Variants in DYNC2H1 observed in about 807,000 individuals in gnomAD.
DYNC2H1 encodes the protein dynein cytoplasmic 2 heavy chain 1, also known as cytoplasmic dynein 2 heavy chain 1.
A neutral mutation model predicts 570.0 loss-of-function variants in DYNC2H1; 410 were observed. That is an observed-to-expected ratio of 0.72 (90% CI 0.66 to 0.78). DYNC2H1 has a LOEUF of 0.78. Ranked by LOEUF, DYNC2H1 falls within the 30% of genes least tolerant of loss-of-function variation. The pLI is 0.00. For synonymous variants in DYNC2H1, 1,688 were observed against 1,677.6 expected, an observed-to-expected ratio of 1.01 and a Z score of -0.15; for missense variants, 4,865 against 5,046.4, an observed-to-expected ratio of 0.96 and a Z score of 1.09.
intron 25 of DYNC2H1, among the ~76,000 whole-genome samples, chr11:103,155,944 T>G (rs1407463796): frequency 6.6e-6 from 1 of 152,208 alleles, no homozygotes; most frequent in Non-Finnish European, 1.5e-5. Flanking sequence ...GAAGCATGAC[T>G]GTTGCAGAAG....
At chr11:103,436,813 TCTATCA>T (rs1182801977) in intron 85 of DYNC2H1, among the ~76,000 whole-genome samples, 1 of 152,172 alleles carries the variant, frequency 6.6e-6, no homozygotes, top group Non-Finnish European at 1.5e-5. Context: ...TGTTCAGTTC[TCTATCA>T]CTTTCTTTCC....
At chr11:103,178,555 G>C (rs2134998253) in intron 38 of DYNC2H1, among the ~76,000 whole-genome samples, 1 of 152,016 alleles carries the variant, frequency 6.6e-6, no homozygotes, top group Non-Finnish European at 1.5e-5. Context: ...GGATAAAAAA[G>C]GTTTTATCCT....
intron 70 of DYNC2H1, among the ~76,000 whole-genome samples, chr11:103,262,575 C>T (rs1238491226): frequency 6.6e-6 from 1 of 152,102 alleles, no homozygotes; most frequent in African/African-American, 2.4e-5. Flanking sequence ...GAATTTTCAA[C>T]CCATAATTTC....
At chr11:103,357,863 T>C (rs1940424309) in intron 82 of DYNC2H1, among the ~76,000 whole-genome samples, 1 of 152,108 alleles carries the variant, frequency 6.6e-6, no homozygotes, top group South Asian at 2.1e-4. Flanking sequence ...GATGGGAGGA[T>C]CGCTTGAGCC....
In DYNC2H1 at chr11:103,472,519, T is replaced by A. The variant is rs1215386025; in HGVS notation, c.12765+3814T>A. 6.6e-6 allele frequency among the ~76,000 whole-genome samples: 1 copy of A among 152,068 alleles called. No individual in the cohort carries two copies. Among genetic ancestry groups the A allele is most frequent in the African/African-American group, 2.4e-5 (1 of 41,384 alleles). ...CAATTATACTGGCGTCTCATAACAA[T>A]CCTATGAGTTTGGTACAGCAAATTT... On this transcript the variant is annotated intron_variant, in intron 88 of 88. Coordinates refer to ENST00000375735, the MANE Select transcript of DYNC2H1 (RefSeq NM_001377.3). This position sits in a 1 kb window ranked among gnomAD's most constrained non-coding sequence, Gnocchi z 4.1.
intron 82 of DYNC2H1, among the ~76,000 whole-genome samples, chr11:103,348,809 G>C (rs1420820775): frequency 1.3e-5 from 2 of 152,062 alleles, no homozygotes; most frequent in African/African-American, 4.8e-5. Context: ...TGTCAAGGGA[G>C]GGACCTCATG....
chr11:103,168,762 C>A lies in DYNC2H1; in HGVS notation c.4770C>A (p.Gly1590=). Reference sequence around the variant, plus strand: ...ATTTTTATTTCTGCCTAGAATCGGGCATCCTGGAGCTTAAACTTAAAGCCC... The same window carrying A: ...ATTTTTATTTCTGCCTAGAATCGGGAATCCTGGAGCTTAAACTTAAAGCCC... ...SSEDPGNTES[G]ILELKLKALI... Residue 1590 remains glycine (G), a synonymous_variant, in exon 32 of 89, where the codon GGC becomes GGA. Transcript: ENST00000375735. 6.2e-7 allele frequency: 1 copy of A among 1,612,008 alleles called. No homozygotes were observed. The highest frequency in any genetic ancestry group is 2.2e-5 in the East Asian group (1 of 44,702).
intron 6 of DYNC2H1, among the ~76,000 whole-genome samples, 194 bp from the exon 7 acceptor site, chr11:103,120,253 A>T (rs1339588895): frequency 6.6e-6 from 1 of 152,158 alleles, no homozygotes; most frequent in Non-Finnish European, 1.5e-5. Context: ...GTGAAGAAAC[A>T]GTTATGTTTT....
intron 26 of DYNC2H1, 101 bp downstream of exon 26, chr11:103,156,871 G>C: frequency 7.2e-7 from 1 of 1,395,420 alleles, no homozygotes; most frequent in Non-Finnish European, 9.6e-7. Context: ...TACATGATTG[G>C]TATCCTCTGT....
intron 85 of DYNC2H1, among the ~76,000 whole-genome samples, chr11:103,440,256 G>A (rs1405369404): frequency 6.6e-6 from 1 of 152,086 alleles, no homozygotes; most frequent in Admixed American, 6.6e-5. Context: ...AATGTTTAAT[G>A]GACTCCTAAA....
At chr11:103,330,552 T>TTTTTTTTTTTTTTTTTTTTTTTTTTTTTG (rs1322353957) in intron 82 of DYNC2H1, among the ~76,000 whole-genome samples, 1 of 147,084 alleles carries the variant, frequency 6.8e-6, no homozygotes, top group African/African-American at 2.5e-5. Flanking sequence ...ATAAATTTTT[T>TTTTTTTTTTTTTTTTTTTTTTTTTTTTTG]AAATAACTAA....
chr11:103,277,330 G>T lies in DYNC2H1; in HGVS notation c.10696-3018G>T, dbSNP rs770527218. ...TATTTTAATGTGGGTAATTTCCTTCGGTTTTTCTTTCATTTTACTTATATT... is the reference window on the plus strand; with the variant it reads ...TATTTTAATGTGGGTAATTTCCTTCTGTTTTTCTTTCATTTTACTTATATT... On this transcript the variant is annotated intron_variant, in intron 70 of 88. Coordinates refer to ENST00000375735, the MANE Select transcript of DYNC2H1 (RefSeq NM_001377.3). The surrounding 1 kb of genome is among the most constrained non-coding windows in gnomAD (Gnocchi z 4.3). Among the ~76,000 whole-genome samples the T allele has an allele frequency of 6.6e-6, 1 of 151,436 alleles. No individual in the cohort carries two copies. The highest frequency in any genetic ancestry group is 1.5e-5 in the Non-Finnish European group (1 of 67,872).
At chr11:103,385,666 T>A (rs1941841349) in intron 83 of DYNC2H1, among the ~76,000 whole-genome samples, 1 of 152,174 alleles carries the variant, frequency 6.6e-6, no homozygotes, top group South Asian at 2.1e-4. Context: ...TATTTACATA[T>A]CAAAAGGAAT....
In DYNC2H1 at chr11:103,170,267, G is replaced by A. The variant is rs1861515104; in HGVS notation, c.5128G>A (p.Val1710Ile). The A allele has an allele frequency of 6.3e-7, 1 of 1,599,806 alleles. No individual in the cohort carries two copies. The highest frequency in any genetic ancestry group is 8.5e-7 in the Non-Finnish European group (1 of 1,174,184). The part of the protein sequence containing the change: ...KALGGLLGRQ[V>I]LVFNCDEGID... Reference sequence around the variant, plus strand: ...TTTAGGTGGACTTCTTGGAAGACAAGTTTTAGTCTTTAATTGTGATGAGGT... The same window carrying A: ...TTTAGGTGGACTTCTTGGAAGACAAATTTTAGTCTTTAATTGTGATGAGGT... The change falls in exon 33 of 89, where the codon GTT becomes ATT. Residue 1710 changes from valine to isoleucine, a missense_variant. Val to Ile is a conservative substitution (Grantham distance 29, BLOSUM62 3). Transcript: ENST00000375735. The surrounding 1 kb of genome is among the most constrained non-coding windows in gnomAD (Gnocchi z 4.8).
chr11:103,392,899 T>C (rs1461059166), intron 83 of DYNC2H1, among the ~76,000 whole-genome samples: 10 of 106,222 alleles, frequency 9.4e-5, no homozygotes, highest in Middle Eastern at 9.6e-3. Flanking sequence ...TTTTTTTTTT[T>C]TGAAATGGAG....
rs568799553 is a variant in DYNC2H1 at position 103,389,796 on chromosome 11, A to G, written c.12157-9867A>G. ...GAGCAGGTTGTTCAGTTTCCATGTA[A>G]TTGAGTGGTTTTGAGTGAGTTTCTT... On this transcript the variant is annotated intron_variant, in intron 83 of 88. Transcript: ENST00000375735. Among the ~76,000 whole-genome samples the G allele has an allele frequency of 2.6e-5, 4 of 151,886 alleles. No individual in the cohort carries two copies. In the South Asian group the frequency reaches 6.3e-4, roughly 24 times the overall value.
At chr11:103,361,189 G>C (rs904310705) in intron 83 of DYNC2H1, among the ~76,000 whole-genome samples, 3 of 152,174 alleles carry the variant, frequency 2.0e-5, no homozygotes, top group Non-Finnish European at 4.4e-5. Flanking sequence ...CAAAGTGATG[G>C]TATTTGTAGA....
At chr11:103,219,077 T>G (rs1360154030) in intron 55 of DYNC2H1, among the ~76,000 whole-genome samples, 1 of 152,192 alleles carries the variant, frequency 6.6e-6, no homozygotes, top group Non-Finnish European at 1.5e-5. Flanking sequence ...TAATATGTTT[T>G]ATTATGATTG....
In DYNC2H1 at chr11:103,204,292, A is replaced by G. The variant is rs1047204137; in HGVS notation, c.8311+516A>G. ...GGGAGCTACAAAATGAGATTTGGGT[A>G]GGGACACAGAGCCAAACCATATCAA... is the stretch of plus-strand genomic sequence containing the variant. On this transcript the variant is annotated intron_variant, in intron 51 of 88. Coordinates refer to ENST00000375735, the MANE Select transcript of DYNC2H1 (RefSeq NM_001377.3). The surrounding 1 kb of genome is among the most constrained non-coding windows in gnomAD (Gnocchi z 4.1). Among the ~76,000 whole-genome samples the G allele has an allele frequency of 6.6e-6, 1 of 152,176 alleles. No individual in the cohort carries two copies. The highest frequency in any genetic ancestry group is 6.6e-5 in the Admixed American group (1 of 15,262).
Sources: allele counts gnomAD v4.1 joint callset (sites outside exome capture counted in the v4.1 genomes callset), GRCh38; gene constraint gnomAD v4.1.1; non-coding constraint Gnocchi (gnomAD v3.1); transcripts MANE v1.5; gene names NCBI Gene and HGNC (gene_info 2026-07-23, HGNC 2026-07-21).